Variants in CAMK2A observed in about 807,000 individuals in gnomAD.
CAMK2A encodes the protein calcium/calmodulin dependent protein kinase II alpha.
CAMK2A carries 7 observed loss-of-function variants against 79.2 expected under a neutral mutation model. The ratio of observed to expected loss-of-function variants is 0.09; its 90% confidence interval spans 0.05 to 0.17. CAMK2A has a LOEUF of 0.17. CAMK2A is among the 10% of genes least tolerant of loss of function. CAMK2A has a pLI of 1.00. For synonymous variants in CAMK2A, 242 were observed against 251.7 expected (o/e 0.96, Z 0.36); for missense variants, 214 against 646.4 (o/e 0.33, Z 7.25).
At chr5:150,260,791 G>A (rs1756274512) in intron 3 of CAMK2A, among the ~76,000 whole-genome samples, 1 of 152,202 alleles carries the variant, frequency 6.6e-6, no homozygotes, top group South Asian at 2.1e-4. Context: ...TCATTTATCT[G>A]CAATAAACTT....
At chr5:150,274,746 A>T (rs1028729812) in intron 1 of CAMK2A, among the ~76,000 whole-genome samples, 1 of 152,222 alleles carries the variant, frequency 6.6e-6, no homozygotes, top group Non-Finnish European at 1.5e-5. Flanking sequence ...ATGGTTCATA[A>T]CAGGCAGAGC....
At chr5:150,231,404 A>AAAT (rs35699794) in intron 15 of CAMK2A, 24 bp from the exon 16 acceptor site, 6,534 of 492,944 alleles carry the variant, frequency 0.013, 40 homozygotes, top group East Asian at 0.051. Flanking sequence ...GGGGACACAG[A>AAAT]AATAATAATA....
At chr5:150,245,133 G>C in intron 13 of CAMK2A, 28 bp downstream of exon 13, 2 of 1,611,838 alleles carry the variant, frequency 1.2e-6, no homozygotes, top group Non-Finnish European at 1.7e-6. Context: ...CCAGAGCCAA[G>C]CCCTGCCAGG....
At chr5:150,281,401 G>A (rs1406962609) in intron 1 of CAMK2A, among the ~76,000 whole-genome samples, 1 of 152,234 alleles carries the variant, frequency 6.6e-6, no homozygotes, top group African/African-American at 2.4e-5. Context: ...TAGAATGCCT[G>A]GGGGAAGAGA....
intron 12 of CAMK2A, 74 bp downstream of exon 12, chr5:150,247,698 C>A: frequency 7.8e-7 from 1 of 1,279,908 alleles, no homozygotes; most frequent in South Asian, 1.3e-5. Flanking sequence ...GGGGGCACTC[C>A]AATATCTGAC....
At chr5:150,262,518 C>T (rs778170657) in intron 3 of CAMK2A, among the ~76,000 whole-genome samples, 1 of 152,088 alleles carries the variant, frequency 6.6e-6, no homozygotes, top group Non-Finnish European at 1.5e-5. Context: ...CGCATCGCCA[C>T]CACCCCCACT....
Position 150,223,671 on chromosome 5 carries a change from G to T in CAMK2A, c.1238-454C>A, listed in dbSNP as rs1754461063. 6.6e-6 allele frequency among the ~76,000 whole-genome samples: 1 copy of T among 152,170 alleles called. No homozygotes were observed. The highest frequency in any genetic ancestry group is 1.5e-5 in the Non-Finnish European group (1 of 68,026). On this transcript the variant is annotated intron_variant, in intron 17 of 18. Coordinates refer to ENST00000671881, the MANE Select transcript of CAMK2A (RefSeq NM_015981.4). The surrounding 1 kb of genome is among the most constrained non-coding windows in gnomAD (Gnocchi z 4.1). The stretch of plus-strand genomic sequence containing the variant: ...CAGGGAGGCGATAGGGAGTGATGGG[G>T]ACTGTGGCGAATAGAATGTCTTGTC...
intron 14 of CAMK2A, among the ~76,000 whole-genome samples, chr5:150,239,040 G>C (rs944649260): frequency 2.0e-5 from 3 of 152,206 alleles, no homozygotes; most frequent in African/African-American, 7.2e-5. Context: ...GGTGAAGAAG[G>C]GGTGTGGAGG....
chr5:150,223,242 G>A lies in CAMK2A; in HGVS notation c.1238-25C>T, dbSNP rs752453531. The A allele has an allele frequency of 6.3e-7, 1 of 1,588,348 alleles. No homozygotes were observed. The highest frequency in any genetic ancestry group is 8.6e-7 in the Non-Finnish European group (1 of 1,159,432). ...ACTGGAGGAGGGGATGGGAGGGGCA[G>A]AGGAGATGCAACCGGGGGCCTCCTG... On this transcript the variant is annotated intron_variant, in intron 17 of 18. Transcript: ENST00000671881. This position sits in a 1 kb window ranked among gnomAD's most constrained non-coding sequence, Gnocchi z 4.1.
chr5:150,276,537 C>A (rs1464352311), intron 1 of CAMK2A, among the ~76,000 whole-genome samples: 1 of 152,200 alleles, frequency 6.6e-6, no homozygotes, highest in Non-Finnish European at 1.5e-5. Context: ...CCACCCTACC[C>A]AGGCATGGGG....
At chr5:150,289,395 G>A (rs986902797) in intron 1 of CAMK2A, among the ~76,000 whole-genome samples, 169 bp downstream of exon 1, 9 of 152,104 alleles carry the variant, frequency 5.9e-5, no homozygotes, top group East Asian at 3.9e-4. Context: ...ACATACCCAC[G>A]CCCGACTCTG....
chr5:150,273,571 C>T (rs1047266381), intron 1 of CAMK2A, among the ~76,000 whole-genome samples: 1 of 152,230 alleles, frequency 6.6e-6, no homozygotes, highest in African/African-American at 2.4e-5. Flanking sequence ...CCCTCCCGCC[C>T]CTGTACTGCA....
intron 17 of CAMK2A, among the ~76,000 whole-genome samples, chr5:150,224,370 G>A (rs1754492805): frequency 1.3e-5 from 2 of 151,942 alleles, no homozygotes; most frequent in African/African-American, 4.8e-5. Context: ...CCCTTAGAGA[G>A]CCCAGTTCAA....
intron 1 of CAMK2A, among the ~76,000 whole-genome samples, chr5:150,288,588 T>A (rs1757530836): frequency 6.6e-6 from 1 of 152,102 alleles, no homozygotes; most frequent in Non-Finnish European, 1.5e-5. Context: ...AATACACACC[T>A]GCCTCCAGGG....
upstream of CAMK2A, chr5:150,289,781 G>GAC: frequency 1.8e-6 from 1 of 566,256 alleles, no homozygotes. Flanking sequence ...TCTGAGCAGG[G>GAC]CACTGTGGCT....
intron 13 of CAMK2A, among the ~76,000 whole-genome samples, chr5:150,242,679 C>G (rs1182876081): frequency 2.0e-5 from 3 of 152,144 alleles, no homozygotes; most frequent in Non-Finnish European, 4.4e-5. Context: ...CTGGGTCACC[C>G]AGGGGGAGAA....
chr5:150,231,293 C>A lies in CAMK2A; in HGVS notation c.1142+12G>T. 1 of 1,544,304 alleles carries A rather than the reference C, an allele frequency of 6.5e-7. No homozygotes were observed. Among genetic ancestry groups the A allele is most frequent in the Non-Finnish European group, 8.8e-7 (1 of 1,134,072 alleles). ...CCAGGCAGGACATGCAGAATGAGCCCAGCTGACTCACGTGTAGGACTCAAA... is the reference window on the plus strand; with the variant it reads ...CCAGGCAGGACATGCAGAATGAGCCAAGCTGACTCACGTGTAGGACTCAAA... On this transcript the variant is annotated intron_variant, in intron 16 of 18. Transcript: ENST00000671881.
In CAMK2A at chr5:150,238,609, G is replaced by A. The variant is rs539920421; in HGVS notation, c.1066+91C>T. 2.4e-6 allele frequency: 3 copies of A among 1,230,214 alleles called. No homozygotes were observed. The African/African-American group carries it at 4.5e-5, about 18-fold the overall frequency. 76.2% of individuals were successfully genotyped at this position (1,230,214 alleles called of 1,614,324 possible). A position where few individuals can be genotyped will look rare whatever the true frequency, so the allele number is the denominator to read the frequency against. ...TCTCTGTAGATGAGCAAGAAATGAGGTTGGCACGTGGGAGCTGTCAGGAAA... is the reference window on the plus strand; with the variant it reads ...TCTCTGTAGATGAGCAAGAAATGAGATTGGCACGTGGGAGCTGTCAGGAAA... On this transcript the variant is annotated intron_variant, in intron 15 of 18. Transcript: ENST00000671881.
intron 11 of CAMK2A, among the ~76,000 whole-genome samples, chr5:150,248,760 A>G (rs918267960): frequency 2.0e-5 from 3 of 151,932 alleles, no homozygotes; most frequent in African/African-American, 7.3e-5. Context: ...GTTGGTTCCA[A>G]GTCTTTGCTA....
Sources: allele counts gnomAD v4.1 joint callset (sites outside exome capture counted in the v4.1 genomes callset), GRCh38; gene constraint gnomAD v4.1.1; non-coding constraint Gnocchi (gnomAD v3.1); transcripts MANE v1.5; gene names NCBI Gene and HGNC (gene_info 2026-07-23, HGNC 2026-07-21).